RABGAP1L: variants seen among roughly 807,000 people sequenced by gnomAD.
RABGAP1L encodes RAB GTPase activating protein 1 like.
In RABGAP1L, 63 loss-of-function variants were observed where a neutral mutation model predicts 137.7. The ratio of observed to expected loss-of-function variants is 0.46; its 90% confidence interval spans 0.37 to 0.56. RABGAP1L has a LOEUF of 0.56. Ranked by LOEUF, RABGAP1L falls within the 20% of genes least tolerant of loss-of-function variation. The pLI, the probability that RABGAP1L is intolerant of heterozygous loss-of-function variation, is 0.00. For synonymous variants in RABGAP1L, 431 were observed against 433.7 expected (o/e 0.99, Z 0.08); for missense variants, 1,095 against 1,244.0 (o/e 0.88, Z 1.80).
intron 14 of RABGAP1L, among the ~76,000 whole-genome samples, chr1:174,682,154 C>G (rs1678108777): frequency 6.6e-6 from 1 of 151,454 alleles, no homozygotes; most frequent in Admixed American, 6.6e-5. Flanking sequence ...GGTGGTGGGC[C>G]CTTGTAATTG....
At chr1:174,634,792 C>G (rs1251753049) in intron 13 of RABGAP1L, among the ~76,000 whole-genome samples, 1 of 145,720 alleles carries the variant, frequency 6.9e-6, no homozygotes, top group Non-Finnish European at 1.5e-5. Context: ...AACAAAAAAG[C>G]AAACACCGCA....
intron 11 of RABGAP1L, among the ~76,000 whole-genome samples, chr1:174,323,049 C>A (rs530245583): frequency 2.0e-5 from 3 of 152,076 alleles, no homozygotes; most frequent in African/African-American, 7.2e-5. Flanking sequence ...AGGTGCTACT[C>A]CATAAGAATA....
chr1:174,663,346 G>A (rs1303905017), intron 14 of RABGAP1L, among the ~76,000 whole-genome samples: 4 of 152,112 alleles, frequency 2.6e-5, no homozygotes, highest in Non-Finnish European at 5.9e-5. Context: ...TCTTGTAGCA[G>A]CCCAGTAAAG....
intron 13 of RABGAP1L, among the ~76,000 whole-genome samples, chr1:174,596,410 GT>G (rs766584439): frequency 2.0e-5 from 3 of 152,090 alleles, no homozygotes; most frequent in African/African-American, 4.8e-5. Context: ...GTGTTTTGTA[GT>G]TCTTATTGTA....
chr1:174,709,147 T>G (rs1276395274), intron 17 of RABGAP1L, among the ~76,000 whole-genome samples: 4 of 152,182 alleles, frequency 2.6e-5, no homozygotes. Flanking sequence ...GGGCAGGGCA[T>G]CTCTGAAAGA....
At position 174,973,972 on chromosome 1, in the gene RABGAP1L, GTT is replaced by G. The variant is rs1558297301; in HGVS notation, c.2545-2101_2545-2100del. Among the ~76,000 whole-genome samples the G allele has an allele frequency of 3.2e-5, 3 of 94,230 alleles. No individual in the cohort carries two copies. The East Asian group carries it at 9.2e-4, about 29-fold the overall frequency. The allele number at this position is 94,230 out of a possible 152,430, so 61.8% of individuals were successfully genotyped here. The stretch of plus-strand genomic sequence containing the variant: ...GAACACTGAAATGAGCAGTACAATT[GTT>G]TTTTGTTTTTTTTTTTTTTTTTTTT... On this transcript the variant is annotated intron_variant, in intron 21 of 25. Coordinates refer to ENST00000681986, the MANE Select transcript of RABGAP1L (RefSeq NM_001366446.1).
intron 19 of RABGAP1L, among the ~76,000 whole-genome samples, chr1:174,818,208 T>C (rs1479636076): frequency 2.0e-5 from 3 of 152,062 alleles, no homozygotes; most frequent in Non-Finnish European, 4.4e-5. Context: ...GGGTGGAGGA[T>C]AGATGCATTC....
At chr1:174,769,715 T>C (rs1231357789) in intron 18 of RABGAP1L, among the ~76,000 whole-genome samples, 1 of 151,964 alleles carries the variant, frequency 6.6e-6, no homozygotes, top group Non-Finnish European at 1.5e-5. Flanking sequence ...TAGCCGGGCA[T>C]GGTGGTGGGC....
At position 174,700,941 on chromosome 1, in the gene RABGAP1L, C is replaced by A. The variant is rs1281133853; in HGVS notation, c.2026-1172C>A. On this transcript the variant is annotated intron_variant, in intron 16 of 25. Coordinates refer to ENST00000681986, the MANE Select transcript of RABGAP1L (RefSeq NM_001366446.1). ...ACAGATGTGTGGTACTATGAAGAAC[C>A]TCAACCACATTTTTCTGTTAGCAGT... The A allele has an allele frequency of 1.8e-5, 12 of 678,124 alleles. 1 individual carries two copies. The Admixed American group carries it at 4.4e-4, about 25-fold the overall frequency. 42.0% of individuals were successfully genotyped at this position (678,124 alleles called of 1,614,324 possible). A position where few individuals can be genotyped will look rare whatever the true frequency, so the allele number is the denominator to read the frequency against.
At chr1:174,916,501 C>CAA (rs906509563) in intron 19 of RABGAP1L, among the ~76,000 whole-genome samples, 5 of 151,988 alleles carry the variant, frequency 3.3e-5, no homozygotes, top group African/African-American at 1.2e-4. Flanking sequence ...GGAAAAGGGC[C>CAA]AAAAGGGAAA....
At position 174,969,405 on chromosome 1, in the gene RABGAP1L, G is replaced by C; in HGVS notation, c.2544+18G>C. ...TGGATCAGGTAATCCTTAGAAATGAGACTGTGATGACTTCCTCAGGGCAAA... is the reference window on the plus strand; with the variant it reads ...TGGATCAGGTAATCCTTAGAAATGACACTGTGATGACTTCCTCAGGGCAAA... On this transcript the variant is annotated intron_variant, in intron 21 of 25. Transcript: ENST00000681986. 1 of 1,518,654 alleles carries C rather than the reference G, an allele frequency of 6.6e-7. No individual in the cohort carries two copies. Among genetic ancestry groups the C allele is most frequent in the South Asian group, 1.2e-5 (1 of 83,416 alleles). 94.1% of individuals were successfully genotyped at this position (1,518,654 alleles called of 1,614,324 possible). A position where few individuals can be genotyped will look rare whatever the true frequency, so the allele number is the denominator to read the frequency against.
chr1:174,799,860 A>C, intron 18 of RABGAP1L: 1 of 987,750 alleles, frequency 1.0e-6, no homozygotes, highest in Non-Finnish European at 1.2e-6. Context: ...CAGCTTCACA[A>C]CTGCCCTGGC....
intron 1 of RABGAP1L, among the ~76,000 whole-genome samples, chr1:174,179,442 C>T (rs1483703214): frequency 6.6e-6 from 1 of 151,996 alleles, no homozygotes; most frequent in Non-Finnish European, 1.5e-5. Context: ...AGCAGAAATA[C>T]TTTGTGTATT....
At chr1:174,627,377 A>G (rs906701434) in intron 13 of RABGAP1L, among the ~76,000 whole-genome samples, 1 of 152,232 alleles carries the variant, frequency 6.6e-6, no homozygotes, top group Non-Finnish European at 1.5e-5. Flanking sequence ...TGCTGCATTC[A>G]TTTCTTTCTC....
chr1:174,575,464 G>GT (rs1668303894), intron 13 of RABGAP1L, among the ~76,000 whole-genome samples: 1 of 152,056 alleles, frequency 6.6e-6, no homozygotes, highest in Non-Finnish European at 1.5e-5. Context: ...CCCCAGATTT[G>GT]TTTATCTGAA....
intron 18 of RABGAP1L, chr1:174,756,827 G>T: frequency 1.8e-6 from 1 of 566,788 alleles, no homozygotes; most frequent in South Asian, 1.4e-5. Flanking sequence ...GAGGGCTGGG[G>T]ATTGAGGGCT....
intron 18 of RABGAP1L, among the ~76,000 whole-genome samples, chr1:174,766,102 G>A (rs893374426): frequency 2.0e-5 from 3 of 152,168 alleles, no homozygotes; most frequent in Non-Finnish European, 4.4e-5. Context: ...ACACAGACAT[G>A]TATGGAGAGA....
rs1458269146 is a variant in RABGAP1L at position 174,848,587 on chromosome 1, T to C, written c.2340+36627T>C. 4.7e-5 allele frequency among the ~76,000 whole-genome samples: 7 copies of C among 147,370 alleles called. No individual in the cohort carries two copies. In the East Asian group the frequency reaches 1.4e-3, roughly 29 times the overall value. On this transcript the variant is annotated intron_variant, in intron 19 of 25. Transcript: ENST00000681986. ...ACTTGAGGAGGCAGTCTGCCCGTTCTCAGATCTCCAGCTGCTTGCTGGGAG... is the reference window on the plus strand; with the variant it reads ...ACTTGAGGAGGCAGTCTGCCCGTTCCCAGATCTCCAGCTGCTTGCTGGGAG...
intron 13 of RABGAP1L, among the ~76,000 whole-genome samples, chr1:174,591,633 C>G (rs1456913070): frequency 2.4e-4 from 12 of 49,328 alleles, no homozygotes; most frequent in African/African-American, 1.6e-3. Flanking sequence ...GCTTGTTTTT[C>G]TCAGGTTTGT....
Sources: allele counts gnomAD v4.1 joint callset (sites outside exome capture counted in the v4.1 genomes callset), GRCh38; gene constraint gnomAD v4.1.1; transcripts MANE v1.5; gene names NCBI Gene and HGNC (gene_info 2026-07-23, HGNC 2026-07-21).